The following CRAMP1 variants were observed in gnomAD, a reference collection of about 807,000 sequenced individuals.
The protein encoded by CRAMP1 is cramped chromatin regulator 1.
A neutral mutation model predicts 115.4 loss-of-function variants in CRAMP1; 50 were observed. The ratio of observed to expected loss-of-function variants is 0.43; its 90% CI spans 0.35 to 0.55. The LOEUF (loss-of-function observed/expected upper bound fraction) is 0.55. CRAMP1 is among the 20% of genes least tolerant of loss of function. CRAMP1 has a pLI of 0.01. For synonymous variants in CRAMP1, 866 were observed against 745.4 expected (o/e 1.16, Z -2.64); for missense variants, 1,679 against 1,721.7 (o/e 0.98, Z 0.44).
At chr16:1,658,373 A>G (rs2036794334) in intron 10 of CRAMP1, among the ~76,000 whole-genome samples, 1 of 152,136 alleles carries the variant, frequency 6.6e-6, no homozygotes, top group Admixed American at 6.5e-5. Context: ...TGGTGGGCTC[A>G]TGGGAGGGGC....
rs1420629761 is a variant in CRAMP1 at position 1,676,549 on chromosome 16, C to G, written c.*2504C>G. The G allele has an allele frequency of 2.0e-5, 3 of 152,236 alleles. No individual in the cohort carries two copies. The highest frequency in any genetic ancestry group is 7.2e-5 in the African/African-American group (3 of 41,456). 9.4% of individuals were successfully genotyped at this position (152,236 alleles called of 1,614,324 possible). A position where few individuals can be genotyped will look rare whatever the true frequency, so the allele number is the denominator to read the frequency against. ...CTTCCTGCATCTTCTGCCTTTCCAACAGAAGCGGTGATCGTCTAAGTATGA... is the reference window on the plus strand; with the variant it reads ...CTTCCTGCATCTTCTGCCTTTCCAAGAGAAGCGGTGATCGTCTAAGTATGA... On this transcript the variant is annotated 3_prime_UTR_variant, in exon 21 of 21. Transcript: ENST00000397412.
At position 1,626,246 on chromosome 16, in the gene CRAMP1, T is replaced by C. The variant is rs1052841166; in HGVS notation, c.540+80T>C. 4 of 1,312,336 alleles carry C rather than the reference T, an allele frequency of 3.0e-6. No individual in the cohort carries two copies. The African/African-American group carries it at 4.5e-5, about 15-fold the overall frequency. 81.3% of individuals were successfully genotyped at this position (1,312,336 alleles called of 1,614,324 possible). On this transcript the variant is annotated intron_variant, in intron 3 of 20. Coordinates refer to ENST00000397412, the MANE Select transcript of CRAMP1 (RefSeq NM_020825.4). ...TGCCCTCCGTTCCCCGTGCTTCCTCTTTGCTGTTAGATTCTAGAACGCAGA... is the reference window on the plus strand; with the variant it reads ...TGCCCTCCGTTCCCCGTGCTTCCTCCTTGCTGTTAGATTCTAGAACGCAGA...
intron 19 of CRAMP1, chr16:1,670,330 G>A (rs2036911181): frequency 3.4e-6 from 1 of 295,592 alleles, no homozygotes; most frequent in Admixed American, 4.7e-5. Flanking sequence ...AAGTATGGGG[G>A]TGGGGATGGC....
At chr16:1,638,470 C>T (rs2036606178) in intron 5 of CRAMP1, among the ~76,000 whole-genome samples, 1 of 152,204 alleles carries the variant, frequency 6.6e-6, no homozygotes, top group Non-Finnish European at 1.5e-5. Context: ...CGCGCTCAGG[C>T]CTTCCTCACG....
chr16:1,621,524 A>G (rs1310512778), intron 2 of CRAMP1, among the ~76,000 whole-genome samples: 4 of 152,192 alleles, frequency 2.6e-5, no homozygotes, highest in Non-Finnish European at 5.9e-5. Context: ...CGGGCTAAGC[A>G]GGAAGGTGGG....
intron 6 of CRAMP1, among the ~76,000 whole-genome samples, chr16:1,649,903 C>T (rs1482445175): frequency 2.0e-5 from 3 of 150,690 alleles, no homozygotes; most frequent in Non-Finnish European, 2.9e-5. Flanking sequence ...GAGTGATTCT[C>T]CTGTCTCAGT....
intron 13 of CRAMP1, among the ~76,000 whole-genome samples, chr16:1,663,962 C>A (rs2036853228): frequency 6.6e-6 from 1 of 152,202 alleles, no homozygotes; most frequent in Admixed American, 6.5e-5. Context: ...CTGCCTGGCC[C>A]TTTACAGAAA....
At chr16:1,626,211 C>G (rs1567448226) in intron 3 of CRAMP1, 45 bp downstream of exon 3, 1 of 1,424,302 alleles carries the variant, frequency 7.0e-7, no homozygotes, top group Non-Finnish European at 9.3e-7. Context: ...GGGCGTCCCT[C>G]TCGGATCCCT....
At chr16:1,613,776 T>C (rs1310433964) in intron 1 of CRAMP1, among the ~76,000 whole-genome samples, 2 of 152,222 alleles carry the variant, frequency 1.3e-5, no homozygotes, top group African/African-American at 4.8e-5. Context: ...CGGACATAAC[T>C]GGGCTGTCAC....
chr16:1,668,347 C>T (rs2036894048), intron 18 of CRAMP1, among the ~76,000 whole-genome samples, 154 bp downstream of exon 18: 1 of 152,192 alleles, frequency 6.6e-6, no homozygotes, highest in Non-Finnish European at 1.5e-5. Context: ...CAGCAGGGAC[C>T]TTGCAGGTGG....
rs1376915215 is a variant in CRAMP1 at position 1,676,916 on chromosome 16, C to T, written c.*2871C>T. The T allele has an allele frequency of 6.6e-6, 1 of 152,274 alleles. No homozygotes were observed. Among genetic ancestry groups the T allele is most frequent in the African/African-American group, 2.4e-5 (1 of 41,440 alleles). The allele number at this position is 152,274 out of a possible 1,614,324, so 9.4% of individuals were successfully genotyped here. The stretch of plus-strand genomic sequence containing the variant: ...CGGTTGGCCTCCTTGCTTTGCCGCA[C>T]CTCCAGGTTCTGGGCATGAGAGGCC... On this transcript the variant is annotated 3_prime_UTR_variant, in exon 21 of 21. Coordinates refer to ENST00000397412, the MANE Select transcript of CRAMP1 (RefSeq NM_020825.4).
Position 1,656,248 on chromosome 16 carries a change from G to A in CRAMP1, c.1491G>A (p.Glu497=). 5 of 1,609,840 alleles carry A rather than the reference G, an allele frequency of 3.1e-6. No homozygotes were observed. The highest frequency in any genetic ancestry group is 1.1e-5 in the South Asian group (1 of 90,974). Residue 497 remains glutamate, a synonymous_variant, in exon 10 of 21, where the codon GAG becomes GAA. Transcript: ENST00000397412. This position sits in a 1 kb window ranked among gnomAD's most constrained non-coding sequence, Gnocchi z 5.6. ...GESSPESAPG[E]GAALSLSSPD... ...GTTCCCCCGAAAGCGCCCCCGGGGAGGGGGCTGCCCTAAGCTTGAGCAGCC... is the reference window on the plus strand; with the variant it reads ...GTTCCCCCGAAAGCGCCCCCGGGGAAGGGGCTGCCCTAAGCTTGAGCAGCC...
At position 1,646,927 on chromosome 16, in the gene CRAMP1, G is replaced by T. The variant is rs1054926577; in HGVS notation, c.828-5569G>T. 1.1e-5 allele frequency: 7 copies of T among 643,236 alleles called. No homozygotes were observed. In the African/African-American group the frequency reaches 1.3e-4, roughly 12 times the overall value. 39.8% of individuals were successfully genotyped at this position (643,236 alleles called of 1,614,324 possible). On this transcript the variant is annotated intron_variant, in intron 6 of 20. Transcript: ENST00000397412. ...GTCTCTCCTCCATTGAGTGGCCTTT[G>T]CATCCTTGTCAAACATCAGTTGACT...
Position 1,668,184 on chromosome 16 carries a change from G to T in CRAMP1, c.3325G>T (p.Gly1109Cys), listed in dbSNP as rs551374666. The change falls in exon 18 of 21, where the codon GGT (glycine) becomes TGT (cysteine). Residue 1109 changes from glycine to cysteine, a missense_variant. Around this residue, in one of 8 missense-constraint regions of CRAMP1, gnomAD observed 709 missense variants for 741.9 expected, o/e 0.96. Coordinates refer to ENST00000397412, the MANE Select transcript of CRAMP1 (RefSeq NM_020825.4). ...DSIIEIAISS[G>C]QYGEGVPLSP... is the part of the protein sequence containing the mutation. Reference sequence around the variant, plus strand: ...CATCATTGAGATCGCCATCAGCTCCGGTCAGTACGGTAAGGGCAGGGCGGC... The same window carrying T: ...CATCATTGAGATCGCCATCAGCTCCTGTCAGTACGGTAAGGGCAGGGCGGC... 1 of 1,612,688 alleles carries T rather than the reference G, an allele frequency of 6.2e-7. No individual in the cohort carries two copies. Among genetic ancestry groups the T allele is most frequent in the African/African-American group, 1.3e-5 (1 of 74,912 alleles).
chr16:1,627,569 C>G (rs989773038), intron 3 of CRAMP1, among the ~76,000 whole-genome samples: 1 of 152,158 alleles, frequency 6.6e-6, no homozygotes, highest in Admixed American at 6.5e-5. Context: ...GACTTGAGTA[C>G]GGTGCATGCT....
chr16:1,614,510 C>A lies in CRAMP1; in HGVS notation c.-1-129C>A. Reference sequence around the variant, plus strand: ...CGCGGCGGGCTCGGGCGGGCTCGGGCGGGCCGGGCCGAGCCGCCGAGAGGG... The same window carrying A: ...CGCGGCGGGCTCGGGCGGGCTCGGGAGGGCCGGGCCGAGCCGCCGAGAGGG... On this transcript the variant is annotated intron_variant, in intron 1 of 20. Coordinates refer to ENST00000397412, the MANE Select transcript of CRAMP1 (RefSeq NM_020825.4). This position sits in a 1 kb window ranked among gnomAD's most constrained non-coding sequence, Gnocchi z 4.4. The A allele has an allele frequency of 2.7e-6, 1 of 373,544 alleles. No individual in the cohort carries two copies. Among genetic ancestry groups the A allele is most frequent in the Non-Finnish European group, 3.9e-6 (1 of 254,274 alleles). 23.1% of individuals were successfully genotyped at this position (373,544 alleles called of 1,614,324 possible).
At chr16:1,632,969 A>G (rs1303467513) in intron 4 of CRAMP1, among the ~76,000 whole-genome samples, 1 of 152,150 alleles carries the variant, frequency 6.6e-6, no homozygotes, top group African/African-American at 2.4e-5. Flanking sequence ...GCCTCCGCCT[A>G]TGAGAACTAC....
At chr16:1,650,156 G>A (rs574308154) in intron 6 of CRAMP1, among the ~76,000 whole-genome samples, 1 of 152,116 alleles carries the variant, frequency 6.6e-6, no homozygotes, top group Non-Finnish European at 1.5e-5. Flanking sequence ...AATCTTTGTG[G>A]GGTATTGAGA....
chr16:1,619,643 T>C (rs963794138), intron 2 of CRAMP1, among the ~76,000 whole-genome samples: 5 of 152,192 alleles, frequency 3.3e-5, no homozygotes, highest in African/African-American at 1.2e-4. Context: ...ATACAAACAG[T>C]GGAGTTCTAG....
Sources: allele counts gnomAD v4.1 joint callset (sites outside exome capture counted in the v4.1 genomes callset), GRCh38; gene constraint gnomAD v4.1.1; regional missense constraint gnomAD v4.1.1; non-coding constraint Gnocchi (gnomAD v3.1); transcripts MANE v1.5; gene names NCBI Gene and HGNC (gene_info 2026-07-23, HGNC 2026-07-21).